PCDH15: variants seen among roughly 807,000 people sequenced by gnomAD.
PCDH15 encodes the protein protocadherin-15.
A neutral mutation model predicts 178.5 loss-of-function variants in PCDH15; 129 were observed. The observed-to-expected ratio is 0.72, with a 90% CI of 0.63 to 0.84. The LOEUF (loss-of-function observed/expected upper bound fraction) is 0.84. Ranked by LOEUF, PCDH15 falls within the 40% of genes least tolerant of loss-of-function variation. The pLI is 0.00. For synonymous variants in PCDH15, 800 were observed against 732.0 expected, an observed-to-expected ratio of 1.09 and a Z score of -1.50; for missense variants, 2,230 against 2,099.9, an observed-to-expected ratio of 1.06 and a Z score of -1.21.
chr10:54,604,070 T>C (rs1194240636), intron 2 of PCDH15, among the ~76,000 whole-genome samples: 6 of 14,940 alleles, frequency 4.0e-4, no homozygotes, highest in Non-Finnish European at 2.2e-3. Flanking sequence ...CTTCCATGTA[T>C]TTGTGAATCA....
intron 1 of PCDH15, among the ~76,000 whole-genome samples, chr10:54,685,948 A>G (rs1450885877): frequency 6.6e-6 from 1 of 151,376 alleles, no homozygotes; most frequent in Non-Finnish European, 1.5e-5. Flanking sequence ...TATATAAAAT[A>G]TGTGTGTGTG....
chr10:54,227,027 G>A (rs1235553023), intron 9 of PCDH15, among the ~76,000 whole-genome samples: 3 of 152,078 alleles, frequency 2.0e-5, no homozygotes, highest in Admixed American at 6.5e-5. Context: ...GGCTGGGGTC[G>A]GGTGTCTGTA....
chr10:54,562,426 G>C (rs1022303839), intron 2 of PCDH15, among the ~76,000 whole-genome samples: 1 of 152,056 alleles, frequency 6.6e-6, no homozygotes, highest in Non-Finnish European at 1.5e-5. Flanking sequence ...AATTAGAAGA[G>C]AAAACAATAC....
At position 54,787,297 on chromosome 10, in the gene PCDH15, C is replaced by T. The variant is rs575140255; in HGVS notation, c.-29+13628G>A. On this transcript the variant is annotated intron_variant, in intron 1 of 37. Coordinates refer to ENST00000644397, the MANE Select transcript of PCDH15 (RefSeq NM_001384140.1). Reference sequence around the variant, plus strand: ...AAAAAAAAACAATTTTTACAAAAATCATCTTAATGTATGCTTTGTGACAGT... The same window carrying T: ...AAAAAAAAACAATTTTTACAAAAATTATCTTAATGTATGCTTTGTGACAGT... 3.3e-5 allele frequency among the ~76,000 whole-genome samples: 5 copies of T among 151,654 alleles called. No homozygotes were observed. The East Asian group carries it at 9.8e-4, about 30-fold the overall frequency.
intron 1 of PCDH15, among the ~76,000 whole-genome samples, chr10:55,241,465 G>C (rs759524496): frequency 5.3e-5 from 8 of 152,024 alleles, no homozygotes; most frequent in Non-Finnish European, 1.0e-4. Flanking sequence ...TGTCGCCCAT[G>C]CTGGAGTGCA....
chr10:54,575,130 TCA>T (rs1165677955), intron 2 of PCDH15: 49 of 128,276 alleles, frequency 3.8e-4, no homozygotes, highest in African/African-American at 1.4e-3. Context: ...AAAGGGAATA[TCA>T]CACTCTGGGG....
chr10:54,011,785 C>T (rs918312810), intron 20 of PCDH15, among the ~76,000 whole-genome samples: 2 of 152,082 alleles, frequency 1.3e-5, no homozygotes, highest in African/African-American at 4.8e-5. Context: ...CTAAATAAAC[C>T]AACTGACTGT....
At chr10:54,112,565 TAACC>T (rs2095045504) in intron 15 of PCDH15, among the ~76,000 whole-genome samples, 1 of 152,146 alleles carries the variant, frequency 6.6e-6, no homozygotes, top group African/African-American at 2.4e-5. Context: ...AGAGTTATTG[TAACC>T]AACCACTTGT....
chr10:54,224,100 G>A (rs1236015017), intron 9 of PCDH15, among the ~76,000 whole-genome samples: 2 of 152,096 alleles, frequency 1.3e-5, no homozygotes, highest in African/African-American at 4.8e-5. Context: ...TTAGTAAGCT[G>A]ATTAACACAG....
chr10:55,084,311 C>G (rs1025478045), intron 2 of PCDH15, among the ~76,000 whole-genome samples: 3 of 151,504 alleles, frequency 2.0e-5, no homozygotes, highest in African/African-American at 4.8e-5. Flanking sequence ...GCGCCAAGAG[C>G]GTACATTGGG....
chr10:55,098,614 T>C (rs1042731031), intron 2 of PCDH15, among the ~76,000 whole-genome samples: 3 of 151,938 alleles, frequency 2.0e-5, no homozygotes, highest in Non-Finnish European at 4.4e-5. Context: ...GAGAAGACAA[T>C]ATGGAGCCAG....
At chr10:53,909,672 CCA>C (rs2082931289) in intron 25 of PCDH15, among the ~76,000 whole-genome samples, 1 of 152,096 alleles carries the variant, frequency 6.6e-6, no homozygotes, top group African/African-American at 2.4e-5. Flanking sequence ...AGGGTGCAGC[CCA>C]CAGAGGGCAA....
chr10:53,813,715 G>A (rs1030356947), intron 35 of PCDH15, among the ~76,000 whole-genome samples: 5 of 152,074 alleles, frequency 3.3e-5, no homozygotes, highest in Admixed American at 6.5e-5. Context: ...CTACCACATC[G>A]CACAACAACA....
intron 1 of PCDH15, among the ~76,000 whole-genome samples, chr10:55,207,090 T>C (rs1217921730): frequency 1.3e-5 from 2 of 152,036 alleles, no homozygotes; most frequent in African/African-American, 4.8e-5. Context: ...ATCATCAAAT[T>C]AAGCACCTCA....
At chr10:55,379,703 T>C (rs541783412) in intron 2 of PCDH15, among the ~76,000 whole-genome samples, 4 of 152,046 alleles carry the variant, frequency 2.6e-5, no homozygotes, top group African/African-American at 7.2e-5. Context: ...CCCACATACA[T>C]AGTATTTCAT....
intron 1 of PCDH15, among the ~76,000 whole-genome samples, chr10:54,718,538 C>T (rs913618516): frequency 2.6e-5 from 4 of 151,950 alleles, no homozygotes; most frequent in African/African-American, 7.3e-5. Context: ...TTATAGACAC[C>T]TCCTGAAGGA....
At chr10:54,439,657 A>G (rs959108101) in intron 3 of PCDH15, among the ~76,000 whole-genome samples, 1 of 152,052 alleles carries the variant, frequency 6.6e-6, no homozygotes, top group African/African-American at 2.4e-5. Flanking sequence ...TTATTTTTCA[A>G]TAAATAAATG....
At chr10:55,370,092 T>C (rs533035527) in intron 2 of PCDH15, among the ~76,000 whole-genome samples, 6 of 152,106 alleles carry the variant, frequency 3.9e-5, no homozygotes, top group Non-Finnish European at 8.8e-5. Context: ...AGTCTGTAAG[T>C]AACCAAAGAA....
At chr10:54,786,036 G>A (rs1388948086) in intron 1 of PCDH15, among the ~76,000 whole-genome samples, 2 of 151,918 alleles carry the variant, frequency 1.3e-5, no homozygotes, top group Non-Finnish European at 2.9e-5. Flanking sequence ...CCACACTTAT[G>A]ATATAATATG....
Sources: allele counts gnomAD v4.1 joint callset (sites outside exome capture counted in the v4.1 genomes callset), GRCh38; gene constraint gnomAD v4.1.1; transcripts MANE v1.5; gene names NCBI Gene and HGNC (gene_info 2026-07-23, HGNC 2026-07-21).